The following RAMP3 variants were observed in gnomAD, a reference collection of about 807,000 sequenced individuals.
The protein encoded by RAMP3 is receptor activity-modifying protein 3.
A neutral mutation model predicts 13.5 loss-of-function variants in RAMP3; 14 were observed. That is an observed-to-expected ratio of 1.04 (90% CI 0.69 to 1.63). The LOEUF is 1.63. RAMP3 is among the 40% of genes most tolerant of loss of function. The probability of loss-of-function intolerance (pLI) is 0.00; values close to 1 mark genes in which losing one functional copy is unlikely to be tolerated. For synonymous variants in RAMP3, 106 were observed against 88.3 expected, an observed-to-expected ratio of 1.20 and a Z score of -1.12; for missense variants, 200 against 204.8, an observed-to-expected ratio of 0.98 and a Z score of 0.14.
intron 1 of RAMP3, chr7:45,163,987 C>T (rs1397927106): frequency 4.7e-6 from 3 of 644,400 alleles, no homozygotes; most frequent in Non-Finnish European, 5.8e-6. Flanking sequence ...GGCTGAAAAC[C>T]CACTTCTGCC....
chr7:45,164,375 CAA>C (rs35024892), intron 1 of RAMP3, among the ~76,000 whole-genome samples: 3 of 150,156 alleles, frequency 2.0e-5, no homozygotes, highest in African/African-American at 2.4e-5. Context: ...CTACAAATAA[CAA>C]AAAAAAAATT....
rs762889499 is a variant in RAMP3 at position 45,183,383 on chromosome 7, C to T, written c.418C>T (p.Arg140Cys). 21 of 1,612,978 alleles carry T rather than the reference C, an allele frequency of 1.3e-5. No individual in the cohort carries two copies. The highest frequency in any genetic ancestry group is 5.0e-5 in the Admixed American group (3 of 60,012). Residue 140 changes from arginine (R) to cysteine (C), a missense_variant, in exon 3 of 3, where the codon CGC becomes TGC. Arg to Cys is a radical substitution (Grantham distance 180). Coordinates refer to ENST00000242249, the MANE Select transcript of RAMP3 (RefSeq NM_005856.3). ...CGCCATGGCTGGCCTGGTGGTGTGG[C>T]GCAGCAAACGCACCGACACGCTGCT... is the stretch of plus-strand genomic sequence containing the variant. ...TVAMAGLVVW[R>C]SKRTDTLL
intron 1 of RAMP3, among the ~76,000 whole-genome samples, chr7:45,165,391 C>G (rs6979472): frequency 0.26 from 39,419 of 151,664 alleles, 6,136 homozygotes; most frequent in African/African-American, 0.44. Flanking sequence ...AATTTCTGAT[C>G]TCCTCCATTC....
Position 45,180,366 on chromosome 7 carries a change from T to C in RAMP3, c.192-2791T>C, listed in dbSNP as rs557079022. Among the ~76,000 whole-genome samples the C allele has an allele frequency of 3.6e-4, 55 of 152,350 alleles. No individual in the cohort carries two copies. In the South Asian group the frequency reaches 0.011, roughly 31 times the overall value. On this transcript the variant is annotated intron_variant, in intron 2 of 2. Coordinates refer to ENST00000242249, the MANE Select transcript of RAMP3 (RefSeq NM_005856.3). ...CTCCTTTCTTTCCCCTGAATGTTCA[T>C]TCTGCTTTGGTCCCCACTGAAGCAG... is the stretch of plus-strand genomic sequence containing the variant.
chr7:45,163,427 G>C (rs551107439), intron 1 of RAMP3: 32 of 985,294 alleles, frequency 3.2e-5, no homozygotes, highest in Non-Finnish European at 3.7e-5. Flanking sequence ...TCAGCAGCTT[G>C]GGATACACAG....
At position 45,177,430 on chromosome 7, in the gene RAMP3, C is replaced by T. The variant is rs1003173817; in HGVS notation, c.180C>T (p.Ser60=). ...KVDVWKWCNL[S]EFIVYYESFT... ...ACGTCTGGAAGTGGTGCAACCTGTC[C>T]GAGTTCATCGTGTGAGTGCCACTGC... The change falls in exon 2 of 3, where the codon TCC becomes TCT. Residue 60 remains serine, a synonymous_variant. Coordinates refer to ENST00000242249, the MANE Select transcript of RAMP3 (RefSeq NM_005856.3). 55 of 1,613,922 alleles carry T rather than the reference C, an allele frequency of 3.4e-5. No individual in the cohort carries two copies. The East Asian group carries it at 7.6e-4, about 22-fold the overall frequency.
intron 1 of RAMP3, chr7:45,163,461 G>A (rs1282760068): frequency 1.0e-6 from 1 of 985,322 alleles, no homozygotes; most frequent in Admixed American, 6.1e-5. Context: ...TGGTGTCCAG[G>A]AAGGAGGCTG....
At chr7:45,170,451 C>A (rs537836445) in intron 1 of RAMP3, among the ~76,000 whole-genome samples, 1 of 151,702 alleles carries the variant, frequency 6.6e-6, no homozygotes, top group African/African-American at 2.4e-5. Context: ...GATTCTCCTG[C>A]CTCAGCCTCT....
Position 45,164,510 on chromosome 7 carries a change from C to T in RAMP3, c.58+6624C>T, listed in dbSNP as rs541948979. 1.5e-4 allele frequency among the ~76,000 whole-genome samples: 22 copies of T among 151,606 alleles called. No homozygotes were observed. In the South Asian group the frequency reaches 2.5e-3, roughly 17 times the overall value. On this transcript the variant is annotated intron_variant, in intron 1 of 2. Coordinates refer to ENST00000242249, the MANE Select transcript of RAMP3 (RefSeq NM_005856.3). ...TGATCACACCACTGTACTCCAGCCT[C>T]GGTGACAGAGTGAGACTTTGTCTCA...
In RAMP3 at chr7:45,183,516, C is replaced by T. The variant is rs1184739372; in HGVS notation, c.*104C>T. On this transcript the variant is annotated 3_prime_UTR_variant, in exon 3 of 3. Transcript: ENST00000242249. The stretch of plus-strand genomic sequence containing the variant: ...TGCCAATCTCCAGCTACTGTGGCCA[C>T]ACCCCACCTGGTCATGGGCAGACCC... 7 of 1,502,634 alleles carry T rather than the reference C, an allele frequency of 4.7e-6. No individual in the cohort carries two copies. The African/African-American group carries it at 5.5e-5, about 12-fold the overall frequency. The allele number at this position is 1,502,634 out of a possible 1,614,324, so 93.1% of individuals were successfully genotyped here.
At chr7:45,165,643 C>T (rs958311359) in intron 1 of RAMP3, among the ~76,000 whole-genome samples, 2 of 152,188 alleles carry the variant, frequency 1.3e-5, no homozygotes, top group African/African-American at 4.8e-5. Context: ...AATTATGGAA[C>T]GTTGTTGTCA....
chr7:45,168,010 G>A (rs1045885708), intron 1 of RAMP3, among the ~76,000 whole-genome samples: 5 of 152,218 alleles, frequency 3.3e-5, no homozygotes, highest in African/African-American at 1.2e-4. Context: ...ATTGCATTGA[G>A]TTTGTATATC....
At chr7:45,182,658 T>G (rs930513123) in intron 2 of RAMP3, among the ~76,000 whole-genome samples, 1 of 152,206 alleles carries the variant, frequency 6.6e-6, no homozygotes. Context: ...CTCACAGGTC[T>G]GACTCCCACT....
chr7:45,163,937 G>T, intron 1 of RAMP3: 1 of 966,880 alleles, frequency 1.0e-6, no homozygotes, highest in Non-Finnish European at 1.2e-6. Context: ...ATGATGTGAA[G>T]GTTCAGAGGG....
chr7:45,171,758 T>A (rs1786088518), intron 1 of RAMP3, among the ~76,000 whole-genome samples: 1 of 152,142 alleles, frequency 6.6e-6, no homozygotes, highest in South Asian at 2.1e-4. Flanking sequence ...AGGTGTGGGA[T>A]GCCACGCCTG....
chr7:45,178,460 C>T (rs1244746440), intron 2 of RAMP3, among the ~76,000 whole-genome samples: 2 of 152,258 alleles, frequency 1.3e-5, no homozygotes, highest in Admixed American at 1.3e-4. Context: ...CGTAGAGACA[C>T]TGACCATGGC....
chr7:45,168,992 T>C (rs1029077615), intron 1 of RAMP3, among the ~76,000 whole-genome samples: 1 of 152,234 alleles, frequency 6.6e-6, no homozygotes, highest in Non-Finnish European at 1.5e-5. Context: ...TGAAAAGACA[T>C]TGGATTTTGT....
chr7:45,176,485 C>T (rs1584075195), intron 1 of RAMP3, among the ~76,000 whole-genome samples: 1 of 151,838 alleles, frequency 6.6e-6, no homozygotes, highest in Admixed American at 6.6e-5. Context: ...CCTGGGGTCT[C>T]TCTTGAGTAT....
chr7:45,166,018 G>T (rs753563925), intron 1 of RAMP3, among the ~76,000 whole-genome samples: 1 of 152,066 alleles, frequency 6.6e-6, no homozygotes, highest in Non-Finnish European at 1.5e-5. Context: ...GAACATGTGC[G>T]GTATAAATTT....
Sources: gnomAD v4.1 joint callset for allele counts (sites outside exome capture counted in the v4.1 genomes callset) on GRCh38, gnomAD v4.1.1 for gene constraint, MANE v1.5 for transcripts, NCBI Gene and HGNC (gene_info 2026-07-23, HGNC 2026-07-21) for gene names.